Variants in VPS51 observed in about 807,000 individuals in gnomAD.
The protein encoded by VPS51 is VPS51 subunit of GARP complex, also known as vacuolar protein sorting-associated protein 51 homolog.
In VPS51, 55 loss-of-function variants were observed where a neutral mutation model predicts 65.1. That is an observed-to-expected ratio of 0.84 (90% CI 0.68 to 1.06). The LOEUF (loss-of-function observed/expected upper bound fraction) is 1.06, where lower values mean the gene tolerates loss of function less well. Ranked by LOEUF, VPS51 falls within the 50% of genes least tolerant of loss-of-function variation. The probability of loss-of-function intolerance (pLI) is 0.00; values close to 1 mark genes in which losing one functional copy is unlikely to be tolerated. For missense variants in VPS51, 943 were observed against 1,101.6 expected, an observed-to-expected ratio of 0.86 and a Z score of 2.04; for synonymous variants, 473 against 489.5, an observed-to-expected ratio of 0.97 and a Z score of 0.44.
rs1194393024 is a variant in VPS51, at chr11:65,111,708, C to T, written c.*121C>T. 6 of 1,399,856 alleles carry T rather than the reference C, an allele frequency of 4.3e-6. No individual in the cohort carries two copies. The East Asian group carries it at 1.3e-4, about 29-fold the overall frequency. 86.7% of individuals were successfully genotyped at this position (1,399,856 alleles called of 1,614,324 possible). A position where few individuals can be genotyped will look rare whatever the true frequency, so the allele number is the denominator to read the frequency against. On this transcript the variant is annotated 3_prime_UTR_variant, in exon 10 of 10. Transcript: ENST00000279281. ...GCCTAATAAACATGTGTGGCCTCCT[C>T]CTCTCGCTTGCTGGGCGGGCCTTTC...
chr11:65,106,579 A>G (rs1267891956), intron 2 of VPS51, among the ~76,000 whole-genome samples: 1 of 152,052 alleles, frequency 6.6e-6, no homozygotes, highest in Non-Finnish European at 1.5e-5. Flanking sequence ...GTGAAACTCC[A>G]TCTCTACTAA....
chr11:65,103,341 A>C, intron 2 of VPS51, among the ~76,000 whole-genome samples: 1 of 152,240 alleles, frequency 6.6e-6, no homozygotes, highest in East Asian at 1.9e-4. Flanking sequence ...ACATCATGTG[A>C]TTTTATTCCT....
intron 2 of VPS51, 97 bp downstream of exon 2, chr11:65,097,224 A>G (rs1947777399): frequency 1.3e-6 from 2 of 1,536,412 alleles, no homozygotes; most frequent in Non-Finnish European, 8.9e-7. Flanking sequence ...GGGGAGACTC[A>G]GATTCCAGTC....
chr11:65,097,196 C>T, intron 2 of VPS51, 69 bp downstream of exon 2: 1 of 1,599,594 alleles, frequency 6.3e-7, no homozygotes, highest in Non-Finnish European at 8.5e-7. Flanking sequence ...TTGGGAAAAC[C>T]AGCAAGGGAT....
At chr11:65,101,396 A>G (rs1196867013) in intron 2 of VPS51, among the ~76,000 whole-genome samples, 2 of 152,206 alleles carry the variant, frequency 1.3e-5, no homozygotes. Context: ...GATCTCAAAC[A>G]TTATACAGGG....
chr11:65,107,420 T>C lies in VPS51; in HGVS notation c.359-161T>C. 5 of 552,138 alleles carry C rather than the reference T, an allele frequency of 9.1e-6. No homozygotes were observed. The highest frequency in any genetic ancestry group is 7.6e-5 in the East Asian group (2 of 26,334). The allele number at this position is 552,138 out of a possible 1,614,324, so 34.2% of individuals were successfully genotyped here. A position where few individuals can be genotyped will look rare whatever the true frequency, so the allele number is the denominator to read the frequency against. The stretch of plus-strand genomic sequence containing the variant: ...ACATAAACCCCCTCCCCCGCCCCCA[T>C]GTGCGCTGTGACCCACGCCCTCGCA... On this transcript the variant is annotated intron_variant, in intron 2 of 9. Coordinates refer to ENST00000279281, the MANE Select transcript of VPS51 (RefSeq NM_013265.4). The surrounding 1 kb of genome is among the most constrained non-coding windows in gnomAD (Gnocchi z 4.0).
chr11:65,097,252 C>T (rs968166723), intron 2 of VPS51, 125 bp downstream of exon 2: 2 of 1,376,448 alleles, frequency 1.5e-6, no homozygotes, highest in African/African-American at 2.9e-5. Flanking sequence ...GACATTATTC[C>T]ATTCTCACCT....
chr11:65,109,991 G>C, intron 7 of VPS51, 68 bp downstream of exon 7: 1 of 1,458,574 alleles, frequency 6.9e-7, no homozygotes. Context: ...AGAGGGGCTG[G>C]GGCAGCAGAG....
At chr11:65,096,642 T>G (rs1320043403) in intron 1 of VPS51, 164 bp downstream of exon 1, 3 of 663,308 alleles carry the variant, frequency 4.5e-6, no homozygotes, top group Non-Finnish European at 7.6e-6. Flanking sequence ...AGCTGAGGCG[T>G]CTGAGGGGAT....
chr11:65,108,485 G>T lies in VPS51; in HGVS notation c.1014G>T (p.Ala338=), dbSNP rs1027847641. Residue 338 remains alanine (A), a synonymous_variant, in exon 5 of 10, where the codon GCG becomes GCT. Coordinates refer to ENST00000279281, the MANE Select transcript of VPS51 (RefSeq NM_013265.4). ...GCCCAGCAGGTGCCGAGAAGCTGGC[G>T]GCCTTCGCCCGGCAGCTGGGCAGCC... ...AQGPAGAEKL[A]AFARQLGSRY... is the part of the protein sequence containing the mutation. 1.9e-6 allele frequency: 3 copies of T among 1,606,116 alleles called. No individual in the cohort carries two copies. Among genetic ancestry groups the T allele is most frequent in the Non-Finnish European group, 2.5e-6 (3 of 1,178,654 alleles).
At chr11:65,108,154 C>A in intron 4 of VPS51, 43 bp from the exon 5 acceptor site, 1 of 1,579,820 alleles carries the variant, frequency 6.3e-7, no homozygotes, top group East Asian at 2.3e-5. Flanking sequence ...CCCCATCCAC[C>A]GGCAGCCCCG....
intron 1 of VPS51, 40 bp downstream of exon 1, chr11:65,096,518 G>GGGGGGC: frequency 6.0e-6 from 3 of 499,408 alleles, no homozygotes; most frequent in Admixed American, 3.7e-5. Context: ...GGGGAGGGGG[G>GGGGGGC]AAGGGAACCA....
At position 65,107,770 on chromosome 11, in the gene VPS51, G is replaced by A. The variant is rs1947852918; in HGVS notation, c.506-33G>A. 6.2e-7 allele frequency: 1 copy of A among 1,604,528 alleles called. No individual in the cohort carries two copies. Among genetic ancestry groups the A allele is most frequent in the South Asian group, 1.1e-5 (1 of 90,712 alleles). On this transcript the variant is annotated intron_variant, in intron 3 of 9. Transcript: ENST00000279281. The surrounding 1 kb of genome is among the most constrained non-coding windows in gnomAD (Gnocchi z 4.0). ...GGGCCTGCAGTGGGCCTTTCCTGGG[G>A]CTCTGGGGCTAACGTCACCCTCCGT...
rs1334028602 is a variant in VPS51, at chr11:65,108,291, G to T, written c.820G>T (p.Ala274Ser). ...GGAGGAGCTGTGCGAGGAGTTCCTG[G>T]CGCACGCCCGCGGCCGGCTGGAGAA... is the stretch of plus-strand genomic sequence containing the variant. The part of the protein sequence containing the change: ...PAEELCEEFL[A>S]HARGRLEKEL... Residue 274 changes from alanine (A) to serine (S), a missense_variant, in exon 5 of 10, where the codon GCG (alanine) becomes TCG (serine). Transcript: ENST00000279281. The T allele has an allele frequency of 6.2e-7, 1 of 1,602,300 alleles. No individual in the cohort carries two copies. Among genetic ancestry groups the T allele is most frequent in the African/African-American group, 1.3e-5 (1 of 74,784 alleles).
intron 2 of VPS51, among the ~76,000 whole-genome samples, chr11:65,106,666 G>A (rs1306527727): frequency 6.6e-6 from 1 of 151,784 alleles, no homozygotes; most frequent in Non-Finnish European, 1.5e-5. Flanking sequence ...CAGGAGAATG[G>A]TGTGAACCTG....
Position 65,107,837 on chromosome 11 carries a change from CTT to C in VPS51, c.542_543del (p.Phe181Ter). 6.4e-7 allele frequency: 1 copy of C among 1,556,274 alleles called. No individual in the cohort carries two copies. On this transcript the variant is annotated frameshift_variant, in exon 4 of 10. Transcript: ENST00000279281. LOFTEE classifies it high-confidence loss of function. The surrounding 1 kb of genome is among the most constrained non-coding windows in gnomAD (Gnocchi z 4.0). The stretch of plus-strand genomic sequence containing the variant: ...CGCTGCTGCGGAAGCTGCAGTTCCT[CTT>C]TGAGCTGCCCTCGCGCCTCACCAAG... ...HALLRKLQFL[F>X]ELPSRLTKCV... is the part of the protein sequence containing the mutation.
Position 65,107,779 on chromosome 11 carries a change from C to T in VPS51, c.506-24C>T. The stretch of plus-strand genomic sequence containing the variant: ...GTGGGCCTTTCCTGGGGCTCTGGGG[C>T]TAACGTCACCCTCCGTCCCCCAGGG... On this transcript the variant is annotated intron_variant, in intron 3 of 9. Transcript: ENST00000279281. The surrounding 1 kb of genome is among the most constrained non-coding windows in gnomAD (Gnocchi z 4.0). 1 of 1,603,228 alleles carries T rather than the reference C, an allele frequency of 6.2e-7. No individual in the cohort carries two copies. Among genetic ancestry groups the T allele is most frequent in the Non-Finnish European group, 8.5e-7 (1 of 1,176,050 alleles).
At position 65,110,035 on chromosome 11, in the gene VPS51, A is replaced by ATGTG. The variant is rs143408641; in HGVS notation, c.1878+114_1878+117dup. The ATGTG allele has an allele frequency of 2.0e-3, 2,404 of 1,180,212 alleles. 38 individuals carry two copies. The African/African-American group carries it at 0.03, about 15-fold the overall frequency. The allele number at this position is 1,180,212 out of a possible 1,614,324, so 73.1% of individuals were successfully genotyped here. A position where few individuals can be genotyped will look rare whatever the true frequency, so the allele number is the denominator to read the frequency against. On this transcript the variant is annotated intron_variant, in intron 7 of 9. Transcript: ENST00000279281. ...GCAGTCCCTGCCTGGAGGAGGGGACATGTGTATCTGGGCTTCTCACGGGGC... is the reference window on the plus strand; with the variant it reads ...GCAGTCCCTGCCTGGAGGAGGGGACATGTGTGTGTATCTGGGCTTCTCACGGGGC...
chr11:65,109,466 A>G lies in VPS51; in HGVS notation c.1630A>G (p.Thr544Ala), dbSNP rs1947872966. Residue 544 changes from threonine to alanine, a missense_variant, in exon 6 of 10, where the codon ACT (threonine) becomes GCT (alanine). By Grantham distance (58) the Thr-to-Ala change is moderately conservative. Transcript: ENST00000279281. ...GACGGCCACCATCTCCTACATCCTC[A>G]CTCTCACTGATGAACAGTTTCTGGT... Reference protein sequence around the residue: ...YETATISYILTLTDEQFLVQD... With the variant: ...YETATISYILALTDEQFLVQD... 6.2e-7 allele frequency: 1 copy of G among 1,606,918 alleles called. No homozygotes were observed. The highest frequency in any genetic ancestry group is 8.5e-7 in the Non-Finnish European group (1 of 1,179,910).
Sources: gnomAD v4.1 joint callset for allele counts (sites outside exome capture counted in the v4.1 genomes callset) on GRCh38, gnomAD v4.1.1 for gene constraint, Gnocchi (gnomAD v3.1) non-coding constraint, MANE v1.5 for transcripts, NCBI Gene and HGNC (gene_info 2026-07-23, HGNC 2026-07-21) for gene names.